ELFN2: variants seen among roughly 807,000 people sequenced by gnomAD.
ELFN2 encodes protein phosphatase 1 regulatory subunit 29.
A neutral mutation model predicts 45.5 loss-of-function variants in ELFN2; 17 were observed. The observed-to-expected ratio is 0.37, with a 90% CI of 0.26 to 0.56. The LOEUF (loss-of-function observed/expected upper bound fraction) is 0.56, where lower values mean the gene tolerates loss of function less well. Ranked by LOEUF, ELFN2 falls within the 20% of genes least tolerant of loss-of-function variation. ELFN2 has a pLI of 0.77. For missense variants in ELFN2, 922 were observed against 1,183.2 expected, an observed-to-expected ratio of 0.78 and a Z score of 3.24; for synonymous variants, 550 against 551.5, an observed-to-expected ratio of 1.00 and a Z score of 0.04.
intron 1 of ELFN2, among the ~76,000 whole-genome samples, chr22:37,358,087 T>A (rs1930993273): frequency 6.6e-6 from 1 of 152,188 alleles, no homozygotes; most frequent in Non-Finnish European, 1.5e-5. Context: ...TCCTGGCATA[T>A]TCACCCTGGA....
chr22:37,405,895 G>A (rs1932489786), intron 2 of ELFN2, among the ~76,000 whole-genome samples: 2 of 151,992 alleles, frequency 1.3e-5, no homozygotes, highest in Admixed American at 1.3e-4. Flanking sequence ...TGAGCACCTT[G>A]GGAGGCCAAG....
In ELFN2 at chr22:37,374,004, C is replaced by G. The variant is rs149473582; in HGVS notation, c.1531G>C (p.Gly511Arg). ...NYIEVRTGAG[G>R]DGLARPEDDL... Reference sequence around the variant, plus strand: ...TCCTCGGGCCGAGCCAGACCGTCCCCGCCGGCGCCTGTGCGCACCTCGATA... The same window carrying G: ...TCCTCGGGCCGAGCCAGACCGTCCCGGCCGGCGCCTGTGCGCACCTCGATA... Residue 511 changes from glycine to arginine, a missense_variant, in exon 3 of 3, where the codon GGG becomes CGG. By Grantham distance (125) the Gly-to-Arg change is moderately radical (BLOSUM62 -2). Around this residue, in one of 2 missense-constraint regions of ELFN2, gnomAD observed 564 missense variants for 642.8 expected, o/e 0.88. Coordinates refer to ENST00000402918, the MANE Select transcript of ELFN2 (RefSeq NM_052906.5). 6.2e-7 allele frequency: 1 copy of G among 1,612,980 alleles called. No individual in the cohort carries two copies. The highest frequency in any genetic ancestry group is 8.5e-7 in the Non-Finnish European group (1 of 1,179,994).
At chr22:37,359,443 C>A (rs1176025258) in intron 1 of ELFN2, among the ~76,000 whole-genome samples, 1 of 152,190 alleles carries the variant, frequency 6.6e-6, no homozygotes, top group African/African-American at 2.4e-5. Flanking sequence ...TGGCTCTCGG[C>A]CCTCTATGGG....
chr22:37,419,548 T>G (rs1446120492), intron 1 of ELFN2, among the ~76,000 whole-genome samples: 1 of 151,632 alleles, frequency 6.6e-6, no homozygotes. Flanking sequence ...GGTGCCAAAA[T>G]GCATGCGGCC....
chr22:37,400,277 G>A lies in ELFN2; in HGVS notation c.-463+17492C>T, dbSNP rs1332827201. Among the ~76,000 whole-genome samples, 6 of 152,128 alleles carry A rather than the reference G, an allele frequency of 3.9e-5. No individual in the cohort carries two copies. The East Asian group carries it at 1.2e-3, about 29-fold the overall frequency. ...ATCAGACTTCACCTTCTGTCCACAG[G>A]CCGACTCCCACTGTGGACAGAGAGC... On this transcript the variant is annotated intron_variant, in intron 2 of 2. Coordinates refer to ENST00000402918, the MANE Select transcript of ELFN2 (RefSeq NM_052906.5).
chr22:37,346,396 C>A (rs542665527), intron 1 of ELFN2, among the ~76,000 whole-genome samples: 1 of 152,064 alleles, frequency 6.6e-6, no homozygotes, highest in African/African-American at 2.4e-5. Flanking sequence ...CCCCACCCCT[C>A]CTTCCCTCCC....
chr22:37,427,197 A>C (rs1601777346), intron 1 of ELFN2, 101 bp downstream of exon 1: 1 of 148,800 alleles, frequency 6.7e-6, no homozygotes, highest in African/African-American at 2.5e-5. Context: ...TCCAAGCCCC[A>C]CCCCCACTGA....
intron 2 of ELFN2, among the ~76,000 whole-genome samples, chr22:37,392,136 G>A (rs935627346): frequency 7.2e-5 from 11 of 152,160 alleles, no homozygotes; most frequent in Admixed American, 5.2e-4. Flanking sequence ...AACTGCTACC[G>A]TTAGACTTTC....
chr22:37,403,813 C>T (rs9619674), intron 2 of ELFN2, among the ~76,000 whole-genome samples: 77,555 of 152,082 alleles, frequency 0.51, 20,714 homozygotes, highest in African/African-American at 0.67. Context: ...CACCTGCACA[C>T]GCCGAGGAGA....
chr22:37,366,640 G>A (rs1931212981), downstream of ELFN2, among the ~76,000 whole-genome samples: 1 of 152,230 alleles, frequency 6.6e-6, no homozygotes, highest in African/African-American at 2.4e-5. Context: ...GGGCCTGAGG[G>A]GACAGAGCCT....
chr22:37,416,437 A>G (rs1932760280), intron 2 of ELFN2, among the ~76,000 whole-genome samples: 1 of 152,198 alleles, frequency 6.6e-6, no homozygotes, highest in African/African-American at 2.4e-5. Flanking sequence ...CTGGGTCAAC[A>G]GGTCCTCAGC....
At chr22:37,361,535 A>G (rs779164574) in intron 1 of ELFN2, among the ~76,000 whole-genome samples, 3 of 152,028 alleles carry the variant, frequency 2.0e-5, no homozygotes, top group Non-Finnish European at 4.4e-5. Context: ...GCCCAGACAC[A>G]AAACAGCAAA....
chr22:37,367,682 T>G (rs1931236271), downstream of ELFN2, among the ~76,000 whole-genome samples: 1 of 152,204 alleles, frequency 6.6e-6, no homozygotes, highest in Non-Finnish European at 1.5e-5. Context: ...GAGGGATGTC[T>G]AGGCTTTTGG....
chr22:37,407,210 G>A (rs770761200), intron 2 of ELFN2, among the ~76,000 whole-genome samples: 1 of 152,110 alleles, frequency 6.6e-6, no homozygotes, highest in Non-Finnish European at 1.5e-5. Flanking sequence ...GGAAGCCTGC[G>A]TTCAATTACC....
intron 2 of ELFN2, among the ~76,000 whole-genome samples, chr22:37,409,016 A>G (rs1932579724): frequency 6.6e-6 from 1 of 152,230 alleles, no homozygotes; most frequent in Non-Finnish European, 1.5e-5. Context: ...CTCCCTGTCC[A>G]GGGCTCTCTC....
At chr22:37,401,485 C>G (rs1280874965) in intron 2 of ELFN2, among the ~76,000 whole-genome samples, 1 of 152,188 alleles carries the variant, frequency 6.6e-6, no homozygotes, top group Non-Finnish European at 1.5e-5. Flanking sequence ...AAGGGCCAAG[C>G]CACTGTGATG....
In ELFN2 at chr22:37,379,310, G is replaced by A. The variant is rs542133120; in HGVS notation, c.-462-3314C>T. Among the ~76,000 whole-genome samples, 5 of 152,256 alleles carry A rather than the reference G, an allele frequency of 3.3e-5. No homozygotes were observed. The South Asian group carries it at 1.0e-3, about 32-fold the overall frequency. ...GCTGAACCACGAGAATGCAGCCTGT[G>A]ACCAGCCCAGAGGGAGAGGGGAGCA... On this transcript the variant is annotated intron_variant, in intron 2 of 2. Transcript: ENST00000402918.
chr22:37,350,001 G>A lies in ELFN2; in HGVS notation n.149-7298C>T, dbSNP rs191211467. 1.8e-3 allele frequency among the ~76,000 whole-genome samples: 275 copies of A among 150,920 alleles called. 12 individuals are homozygous for A. Among genetic ancestry groups the A allele is most frequent in the Non-Finnish European group, 2.6e-3 (178 of 67,188 alleles). ...GAGCCAAGGCAGTGAGGAGTGGTGCGCGCCCACAGCAGCACCTGGTCCTGG... is the reference window on the plus strand; with the variant it reads ...GAGCCAAGGCAGTGAGGAGTGGTGCACGCCCACAGCAGCACCTGGTCCTGG... On this transcript the variant is annotated intron_variant and non_coding_transcript_variant, in intron 1 of 2. Coordinates refer to ENST00000452946, the Ensembl canonical transcript of ELFN2.
intron 1 of ELFN2, among the ~76,000 whole-genome samples, chr22:37,350,549 C>T (rs989660674): frequency 1.3e-5 from 2 of 150,644 alleles, no homozygotes; most frequent in South Asian, 2.1e-4. Context: ...TCCCTGCCTC[C>T]CCACCGCAGG....
Sources: gnomAD v4.1 joint callset for allele counts (sites outside exome capture counted in the v4.1 genomes callset) on GRCh38, gnomAD v4.1.1 for gene constraint, gnomAD v4.1.1 regional missense constraint, MANE v1.5 for transcripts, NCBI Gene and HGNC (gene_info 2026-07-23, HGNC 2026-07-21) for gene names.